The following SLC4A3 variants were observed in gnomAD, a reference collection of about 807,000 sequenced individuals.
SLC4A3 encodes solute carrier family 4 member 3.
A neutral mutation model predicts 114.2 loss-of-function variants in SLC4A3; 47 were observed. The observed-to-expected ratio is 0.41, with a 90% confidence interval of 0.33 to 0.52. The LOEUF (loss-of-function observed/expected upper bound fraction) is 0.52, where lower values mean the gene tolerates loss of function less well. SLC4A3 is among the 20% of genes least tolerant of loss of function. The probability of loss-of-function intolerance (pLI) is 0.21; values close to 1 mark genes in which losing one functional copy is unlikely to be tolerated. For synonymous variants in SLC4A3, 693 were observed against 710.3 expected (o/e 0.98, Z 0.39); for missense variants, 1,312 against 1,668.3 (o/e 0.79, Z 3.72).
rs1252073553 is a variant in SLC4A3, at chr2:219,627,750, C to CGCGGGGCGGGGCACGCCGG, written c.-94+8_-94+26dup. 1 of 321,390 alleles carries CGCGGGGCGGGGCACGCCGG rather than the reference C, an allele frequency of 3.1e-6. No individual in the cohort carries two copies. The highest frequency in any genetic ancestry group is 5.6e-6 in the Non-Finnish European group (1 of 177,506). The allele number at this position is 321,390 out of a possible 1,614,324, so 19.9% of individuals were successfully genotyped here. ...CGCAGGCTCCGGAGCCCCGAGGTAC[C>CGCGGGGCGGGGCACGCCGG]GCGGGGCGGGGCACGCCGGGCAGGG... On this transcript the variant is annotated splice_donor_region_variant and intron_variant, in intron 1 of 22. Transcript: ENST00000358055.
chr2:219,633,790 G>T, intron 10 of SLC4A3, 90 bp from the exon 11 acceptor site: 2 of 1,533,232 alleles, frequency 1.3e-6, no homozygotes, highest in South Asian at 2.4e-5. Context: ...GGAGAAGCAG[G>T]TCTCAGAGCC....
intron 7 of SLC4A3, 43 bp from the exon 8 acceptor site, chr2:219,632,219 C>T: frequency 6.2e-7 from 1 of 1,612,872 alleles, no homozygotes. Context: ...GTGTTCCCCA[C>T]ACCTGTTGGC....
At chr2:219,640,378 A>G in intron 20 of SLC4A3, 52 bp from the exon 21 acceptor site, 1 of 1,572,664 alleles carries the variant, frequency 6.4e-7, no homozygotes, top group Non-Finnish European at 8.7e-7. Flanking sequence ...AGGCCTGTCC[A>G]TCCTCACGGG....
chr2:219,634,300 G>T, intron 11 of SLC4A3, 120 bp from the exon 12 acceptor site: 1 of 948,126 alleles, frequency 1.1e-6, no homozygotes, highest in South Asian at 1.6e-5. Context: ...TTTTAGACTG[G>T]GGTTTCTTTG....
At position 219,634,400 on chromosome 2, in the gene SLC4A3, G is replaced by T; in HGVS notation, c.1562-20G>T. 6.2e-6 allele frequency: 10 copies of T among 1,613,280 alleles called. No homozygotes were observed. The highest frequency in any genetic ancestry group is 8.5e-6 in the Non-Finnish European group (10 of 1,179,408). The stretch of plus-strand genomic sequence containing the variant: ...ACTGCTTCTCTTTGCCCAGCGCCCT[G>T]TGCTTTCCTCTTCCCCTAGGTTGTG... On this transcript the variant is annotated intron_variant, in intron 11 of 22. Coordinates refer to ENST00000358055, the MANE Select transcript of SLC4A3 (RefSeq NM_005070.4).
chr2:219,632,410 G>C lies in SLC4A3; in HGVS notation c.1109G>C (p.Ser370Thr). The C allele has an allele frequency of 6.2e-7, 1 of 1,606,850 alleles. No individual in the cohort carries two copies. The highest frequency in any genetic ancestry group is 8.5e-7 in the Non-Finnish European group (1 of 1,176,328). ...CATGTTGCCTCGCTCTCCTTCCGTA[G>C]CCTTCTGGAGCTCAGGAGGACCATC... ...KPHVASLSFR[S>T]LLELRRTIAH... The change falls in exon 8 of 23, where the codon AGC becomes ACC. Residue 370 changes from serine (S) to threonine (T), a missense_variant. Ser to Thr is a moderately conservative substitution (Grantham distance 58, BLOSUM62 1). Around this residue, in one of 4 missense-constraint regions of SLC4A3, gnomAD observed 771 missense variants for 977.7 expected, o/e 0.79. Coordinates refer to ENST00000358055, the MANE Select transcript of SLC4A3 (RefSeq NM_005070.4).
rs1036142140 is a variant in SLC4A3 at position 219,631,928 on chromosome 2, A to G, written c.812-40A>G. ...GCTGGGCCGTGACCCCGAGGGCCCC[A>G]GCTGGACCTGTGGGACCCCCAAGCC... On this transcript the variant is annotated intron_variant, in intron 6 of 22. Coordinates refer to ENST00000358055, the MANE Select transcript of SLC4A3 (RefSeq NM_005070.4). The surrounding 1 kb of genome is among the most constrained non-coding windows in gnomAD (Gnocchi z 6.3). 1 of 1,546,520 alleles carries G rather than the reference A, an allele frequency of 6.5e-7. No individual in the cohort carries two copies. The highest frequency in any genetic ancestry group is 8.7e-7 in the Non-Finnish European group (1 of 1,147,174).
At chr2:219,633,603 T>C (rs1250470877) in intron 10 of SLC4A3, 146 bp downstream of exon 10, 1 of 826,458 alleles carries the variant, frequency 1.2e-6, no homozygotes, top group Admixed American at 3.2e-5. Flanking sequence ...GAGACCCGCA[T>C]GAGGGGTCCC....
At position 219,637,544 on chromosome 2, in the gene SLC4A3, A is replaced by C; in HGVS notation, c.2536-37A>C. 1 of 1,193,458 alleles carries C rather than the reference A, an allele frequency of 8.4e-7. No homozygotes were observed. Among genetic ancestry groups the C allele is most frequent in the Non-Finnish European group, 1.2e-6 (1 of 829,130 alleles). 73.9% of individuals were successfully genotyped at this position (1,193,458 alleles called of 1,614,324 possible). A position where few individuals can be genotyped will look rare whatever the true frequency, so the allele number is the denominator to read the frequency against. Reference sequence around the variant, plus strand: ...TGACGATGAAGTCAGGTCACCTGCCAGGTGAGTGACAAGGCATCCTTGTTA... The same window carrying C: ...TGACGATGAAGTCAGGTCACCTGCCCGGTGAGTGACAAGGCATCCTTGTTA... On this transcript the variant is annotated intron_variant, in intron 16 of 22. Transcript: ENST00000358055. This position sits in a 1 kb window ranked among gnomAD's most constrained non-coding sequence, Gnocchi z 4.6.
chr2:219,629,886 G>A (rs116193715), intron 5 of SLC4A3, among the ~76,000 whole-genome samples, 191 bp downstream of exon 5: 236 of 144,278 alleles, frequency 1.6e-3, no homozygotes, highest in African/African-American at 5.2e-3. Context: ...AGAACAAGGG[G>A]GGGGGGAGAA....
intron 12 of SLC4A3, 104 bp downstream of exon 12, chr2:219,634,708 C>T (rs1699057899): frequency 2.4e-6 from 3 of 1,256,550 alleles, no homozygotes; most frequent in East Asian, 5.0e-5. Flanking sequence ...GCTAGAGGCC[C>T]CTGGGTGGAG....
rs577704484 is a variant in SLC4A3, at chr2:219,635,362, C to T, written c.1838C>T (p.Pro613Leu). ...CTGGATGGCAGCATTGTGATCCCCC[C>T]GTCCGAGGTGGAGGGCCGTGACCTG... The part of the protein sequence containing the change: ...EFLDGSIVIP[P>L]SEVEGRDLLR... The change falls in exon 13 of 23, where the codon CCG becomes CTG. Residue 613 changes from proline (P) to leucine (L), a missense_variant. Coordinates refer to ENST00000358055, the MANE Select transcript of SLC4A3 (RefSeq NM_005070.4). 66 of 1,614,158 alleles carry T rather than the reference C, an allele frequency of 4.1e-5. No individual in the cohort carries two copies. The highest frequency in any genetic ancestry group is 6.7e-5 in the Admixed American group (4 of 60,024).
chr2:219,634,503 C>A lies in SLC4A3; in HGVS notation c.1645C>A (p.Pro549Thr). The part of the protein sequence containing the change: ...AVLLESVLEV[P>T]VPVRFLFVML... ...ACTCCTGGAGTCTGTGCTTGAGGTC[C>A]CTGTCCCGGTCCGCTTCCTCTTCGT... Residue 549 changes from proline to threonine, a missense_variant, in exon 12 of 23, where the codon CCT becomes ACT. Physicochemically the swap from Pro to Thr is conservative, Grantham distance 38. This residue lies in a region of SLC4A3 where 771 missense variants were observed against 977.7 expected (regional missense o/e 0.79). Transcript: ENST00000358055. The A allele has an allele frequency of 6.2e-7, 1 of 1,614,196 alleles. No individual in the cohort carries two copies. The highest frequency in any genetic ancestry group is 8.5e-7 in the Non-Finnish European group (1 of 1,180,044).
At chr2:219,640,290 T>C in intron 20 of SLC4A3, 140 bp from the exon 21 acceptor site, 2 of 574,646 alleles carry the variant, frequency 3.5e-6, no homozygotes, top group Non-Finnish European at 2.7e-6. Context: ...GTCCAGTGGG[T>C]CCATGTCGCC....
intron 12 of SLC4A3, 29 bp from the exon 13 acceptor site, chr2:219,635,242 G>A (rs369202693): frequency 1.7e-5 from 27 of 1,598,440 alleles, no homozygotes; most frequent in Non-Finnish European, 2.1e-5. Flanking sequence ...GGCTGTCCCT[G>A]AGGGTCCTGG....
Position 219,639,771 on chromosome 2 carries a change from T to C in SLC4A3, c.3277+36T>C. The C allele has an allele frequency of 6.3e-7, 1 of 1,593,048 alleles. No homozygotes were observed. The highest frequency in any genetic ancestry group is 8.5e-7 in the Non-Finnish European group (1 of 1,174,674). ...GCCTCCACCCTGCACACCCCCTTCC[T>C]TGGGCCCCACGGTCTTACATCTTCA... On this transcript the variant is annotated intron_variant, in intron 20 of 22. Coordinates refer to ENST00000358055, the MANE Select transcript of SLC4A3 (RefSeq NM_005070.4). This position sits in a 1 kb window ranked among gnomAD's most constrained non-coding sequence, Gnocchi z 5.9.
At position 219,636,462 on chromosome 2, in the gene SLC4A3, C is replaced by G. The variant is rs1189447334; in HGVS notation, c.2340+12C>G. 3.1e-6 allele frequency: 5 copies of G among 1,593,136 alleles called. No homozygotes were observed. Among genetic ancestry groups the G allele is most frequent in the Admixed American group, 1.7e-5 (1 of 58,290 alleles). The stretch of plus-strand genomic sequence containing the variant: ...AAGCCTTCTTCAAGGTGAGGCGAAG[C>G]CTTGCCCTGCTCCATCCATCCTGCC... On this transcript the variant is annotated intron_variant, in intron 15 of 22. Transcript: ENST00000358055. The surrounding 1 kb of genome is among the most constrained non-coding windows in gnomAD (Gnocchi z 5.5).
Position 219,636,663 on chromosome 2 carries a change from C to A in SLC4A3, c.2341-17C>A. ...GCAGTCCACCTGTGGGTAACGACCG[C>A]TCCTACCCCCACCTAGTTCTGCCGA... On this transcript the variant is annotated splice_polypyrimidine_tract_variant and intron_variant, in intron 15 of 22. Coordinates refer to ENST00000358055, the MANE Select transcript of SLC4A3 (RefSeq NM_005070.4). This position sits in a 1 kb window ranked among gnomAD's most constrained non-coding sequence, Gnocchi z 5.5. 1.2e-6 allele frequency: 2 copies of A among 1,609,330 alleles called. No individual in the cohort carries two copies. The highest frequency in any genetic ancestry group is 8.5e-7 in the Non-Finnish European group (1 of 1,177,224).
Position 219,637,815 on chromosome 2 carries a change from C to T in SLC4A3, c.2766+4C>T, listed in dbSNP as rs201336155. 3.4e-4 allele frequency: 544 copies of T among 1,607,900 alleles called. 5 individuals are homozygous for T. Among genetic ancestry groups the T allele is most frequent in the Middle Eastern group, 1.5e-3 (9 of 5,998 alleles). Reference sequence around the variant, plus strand: ...CAGCCGCTTCCTGGGGGGCAAGGTGCGTGGCTGCTGGGTGTGGAGCCCCCA... The same window carrying T: ...CAGCCGCTTCCTGGGGGGCAAGGTGTGTGGCTGCTGGGTGTGGAGCCCCCA... On this transcript the variant is annotated splice_donor_region_variant and intron_variant, in intron 17 of 22. Transcript: ENST00000358055. This position sits in a 1 kb window ranked among gnomAD's most constrained non-coding sequence, Gnocchi z 4.6.
Sources: allele counts gnomAD v4.1 joint callset (sites outside exome capture counted in the v4.1 genomes callset), GRCh38; gene constraint gnomAD v4.1.1; regional missense constraint gnomAD v4.1.1; non-coding constraint Gnocchi (gnomAD v3.1); transcripts MANE v1.5; gene names NCBI Gene and HGNC (gene_info 2026-07-23, HGNC 2026-07-21).